Variants in ZKSCAN5 observed in about 807,000 individuals in gnomAD.
The protein encoded by ZKSCAN5 is zinc finger with KRAB and SCAN domains 5.
A neutral mutation model predicts 60.0 loss-of-function variants in ZKSCAN5; 28 were observed. The ratio of observed to expected loss-of-function variants is 0.47; its 90% CI spans 0.35 to 0.64. The LOEUF (loss-of-function observed/expected upper bound fraction) is 0.64. ZKSCAN5 is among the 30% of genes least tolerant of loss of function. The probability of loss-of-function intolerance (pLI) is 0.01; values close to 1 mark genes in which losing one functional copy is unlikely to be tolerated. For synonymous variants in ZKSCAN5, 361 were observed against 371.2 expected (o/e 0.97, Z 0.31); for missense variants, 881 against 1,034.6 (o/e 0.85, Z 2.04).
intron 3 of ZKSCAN5, among the ~76,000 whole-genome samples, chr7:99,516,275 A>T (rs1801262618): frequency 6.6e-6 from 1 of 152,106 alleles, no homozygotes; most frequent in South Asian, 2.1e-4. Flanking sequence ...GCTGCTTCTC[A>T]TCCTCTCTGC....
chr7:99,529,053 A>G (rs907331231), intron 6 of ZKSCAN5, among the ~76,000 whole-genome samples: 3 of 152,124 alleles, frequency 2.0e-5, no homozygotes, highest in Non-Finnish European at 4.4e-5. Context: ...TCCTAGTCAG[A>G]TATTCCCTGA....
intron 5 of ZKSCAN5, among the ~76,000 whole-genome samples, chr7:99,524,286 C>G (rs982134929): frequency 6.6e-6 from 1 of 152,090 alleles, no homozygotes; most frequent in Non-Finnish European, 1.5e-5. Context: ...GTTGGCCAGG[C>G]TGGTTTCAAA....
chr7:99,519,701 C>T (rs1053449944), intron 3 of ZKSCAN5, 126 bp from the exon 4 acceptor site: 19 of 793,628 alleles, frequency 2.4e-5, no homozygotes, highest in Non-Finnish European at 4.1e-6. Context: ...TCTTGACAGC[C>T]AGGCAGAAGA....
intron 6 of ZKSCAN5, among the ~76,000 whole-genome samples, chr7:99,530,220 GA>G (rs1374741980): frequency 6.6e-6 from 1 of 151,858 alleles, no homozygotes; most frequent in Non-Finnish European, 1.5e-5. Context: ...TTTTAGTAGA[GA>G]TGTGGGTTTC....
chr7:99,522,226 AATCAAAGAAAGTACCC>A (rs1801567148), intron 5 of ZKSCAN5, among the ~76,000 whole-genome samples: 4 of 152,200 alleles, frequency 2.6e-5, no homozygotes, highest in African/African-American at 4.8e-5. Context: ...CAGAGGTCAA[AATCAAAGAAAGTACCC>A]ATCAGATTTG....
At chr7:99,527,442 T>C (rs1289346970) in intron 6 of ZKSCAN5, among the ~76,000 whole-genome samples, 4 of 151,970 alleles carry the variant, frequency 2.6e-5, no homozygotes, top group Non-Finnish European at 4.4e-5. Context: ...CCCTAACTAA[T>C]AGAACTGTTA....
intron 6 of ZKSCAN5, among the ~76,000 whole-genome samples, chr7:99,530,814 T>C (rs1802007094): frequency 6.6e-6 from 1 of 152,174 alleles, no homozygotes; most frequent in Admixed American, 6.5e-5. Flanking sequence ...CCCAGCACTT[T>C]GGGAGGCTGA....
Position 99,520,180 on chromosome 7 carries a change from A to G in ZKSCAN5, c.648A>G (p.Lys216=). Residue 216 remains lysine (K), a synonymous_variant, in exon 5 of 7, where the codon AAA becomes AAG. Coordinates refer to ENST00000326775, the MANE Select transcript of ZKSCAN5 (RefSeq NM_145102.4). ...LLSTGSQKLV[K]IEEVADVAVS... ...ATCTCCTGTTTCAGAAGTTGGTGAA[A>G]ATTGAAGAGGTGGCTGATGTGGCTG... is the stretch of plus-strand genomic sequence containing the variant. 1 of 1,612,814 alleles carries G rather than the reference A, an allele frequency of 6.2e-7. No individual in the cohort carries two copies. The highest frequency in any genetic ancestry group is 8.5e-7 in the Non-Finnish European group (1 of 1,179,748).
intron 2 of ZKSCAN5, among the ~76,000 whole-genome samples, chr7:99,507,951 G>A (rs575226910): frequency 6.6e-6 from 1 of 151,960 alleles, no homozygotes; most frequent in African/African-American, 2.4e-5. Flanking sequence ...AAAAATATAT[G>A]TATATAAAAT....
chr7:99,528,339 C>T (rs950695309), intron 6 of ZKSCAN5, among the ~76,000 whole-genome samples: 3 of 152,100 alleles, frequency 2.0e-5, no homozygotes, highest in Admixed American at 1.3e-4. Context: ...AAATAGTTAT[C>T]TTTTGTTTTC....
Position 99,525,877 on chromosome 7 carries a change from C to T in ZKSCAN5, c.837C>T (p.His279=), listed in dbSNP as rs550274733. Residue 279 remains histidine (H), a synonymous_variant, in exon 6 of 7, where the codon CAC becomes CAT. Coordinates refer to ENST00000326775, the MANE Select transcript of ZKSCAN5 (RefSeq NM_145102.4). ...AGATTTCTGATGACTCTGAATCACA[C>T]TGGGTGGCGCCAGAACACACCGAAA... ...VKQISDDSES[H]WVAPEHTERS... 6.2e-7 allele frequency: 1 copy of T among 1,614,012 alleles called. No individual in the cohort carries two copies. Among genetic ancestry groups the T allele is most frequent in the East Asian group, 2.2e-5 (1 of 44,870 alleles).
intron 3 of ZKSCAN5, among the ~76,000 whole-genome samples, chr7:99,513,096 C>G (rs1276806959): frequency 6.6e-6 from 1 of 150,408 alleles, no homozygotes; most frequent in Non-Finnish European, 1.5e-5. Context: ...TTTGTTCTTG[C>G]GATAGTTTAC....
chr7:99,514,167 CT>C (rs1316792997), intron 3 of ZKSCAN5, among the ~76,000 whole-genome samples: 1 of 152,134 alleles, frequency 6.6e-6, no homozygotes, highest in Non-Finnish European at 1.5e-5. Flanking sequence ...GAAGTCCTTG[CT>C]GTTGAATGAC....
intron 6 of ZKSCAN5, among the ~76,000 whole-genome samples, chr7:99,528,116 TTTC>T (rs1801880832): frequency 1.3e-5 from 2 of 151,586 alleles, no homozygotes; most frequent in Non-Finnish European, 2.9e-5. Context: ...CCAAAATGTT[TTTC>T]TTTTTTTTTT....
chr7:99,525,881 G>A lies in ZKSCAN5; in HGVS notation c.841G>A (p.Val281Met). The A allele has an allele frequency of 1.2e-6, 2 of 1,613,954 alleles. No individual in the cohort carries two copies. Among genetic ancestry groups the A allele is most frequent in the Non-Finnish European group, 1.7e-6 (2 of 1,180,006 alleles). The change falls in exon 6 of 7, where the codon GTG (valine) becomes ATG (methionine). Residue 281 changes from valine to methionine, a missense_variant. By Grantham distance (21) the Val-to-Met change is conservative. This residue lies in a region of ZKSCAN5 where 490 missense variants were observed against 554.5 expected (regional missense o/e 0.88). Coordinates refer to ENST00000326775, the MANE Select transcript of ZKSCAN5 (RefSeq NM_145102.4). ...TTCTGATGACTCTGAATCACACTGG[G>A]TGGCGCCAGAACACACCGAAAGGAG... ...QISDDSESHW[V>M]APEHTERSVP...
Position 99,512,574 on chromosome 7 carries a change from G to A in ZKSCAN5, c.536G>A (p.Arg179His), listed in dbSNP as rs201540731. The A allele has an allele frequency of 7.4e-6, 12 of 1,613,900 alleles. No homozygotes were observed. The highest frequency in any genetic ancestry group is 3.3e-5 in the South Asian group (3 of 91,076). The change falls in exon 3 of 7, where the codon CGT becomes CAT. Residue 179 changes from arginine to histidine, a missense_variant. By Grantham distance (29) the Arg-to-His change is conservative (BLOSUM62 0). This residue lies in a region of ZKSCAN5 where 490 missense variants were observed against 554.5 expected (regional missense o/e 0.88). Coordinates refer to ENST00000326775, the MANE Select transcript of ZKSCAN5 (RefSeq NM_145102.4). ...CCTGAGCAAGCGCCACAGAAGCCTC[G>A]TCTCCTGGAGGAAAATGGTGAGGCT... ...TQPEQAPQKP[R>H]LLEENALPVL...
rs991659163 is a variant in ZKSCAN5, at chr7:99,506,407, G to C, written c.363G>C (p.Ala121=). 6.2e-7 allele frequency: 1 copy of C among 1,613,958 alleles called. No individual in the cohort carries two copies. The highest frequency in any genetic ancestry group is 8.5e-7 in the Non-Finnish European group (1 of 1,179,976). ...ATCACCCTGAAAGTGGAGAAGAGGC[G>C]GTGGCCGTGATAGAAAATATACAGC... is the stretch of plus-strand genomic sequence containing the variant. ...REHHPESGEE[A]VAVIENIQRE... Residue 121 remains alanine (A), a synonymous_variant, in exon 2 of 7, where the codon GCG becomes GCC. Transcript: ENST00000326775.
chr7:99,528,445 G>C (rs1221361247), intron 6 of ZKSCAN5, among the ~76,000 whole-genome samples: 1 of 151,200 alleles, frequency 6.6e-6, no homozygotes, highest in Non-Finnish European at 1.5e-5. Context: ...TTTGTATTTT[G>C]AGATAGGGTC....
intron 3 of ZKSCAN5, among the ~76,000 whole-genome samples, chr7:99,518,670 C>CTTTT (rs993896580): frequency 4.7e-4 from 43 of 92,214 alleles, no homozygotes; most frequent in East Asian, 3.6e-3. Flanking sequence ...AGAATGCATC[C>CTTTT]TTTTTTTTTT....
Sources: allele counts gnomAD v4.1 joint callset (sites outside exome capture counted in the v4.1 genomes callset), GRCh38; gene constraint gnomAD v4.1.1; regional missense constraint gnomAD v4.1.1; transcripts MANE v1.5; gene names NCBI Gene and HGNC (gene_info 2026-07-23, HGNC 2026-07-21).